The following ASCC3 variants were observed in gnomAD, a reference collection of about 807,000 sequenced individuals.
ASCC3 encodes the protein activating signal cointegrator 1 complex subunit 3, also known as ASC-1 complex subunit P200.
A neutral mutation model predicts 256.3 loss-of-function variants in ASCC3; 158 were observed. The observed-to-expected ratio is 0.62, with a 90% CI of 0.54 to 0.70. The LOEUF (loss-of-function observed/expected upper bound fraction) is 0.70, where lower values mean the gene tolerates loss of function less well. ASCC3 is among the 30% of genes least tolerant of loss of function. ASCC3 has a pLI of 0.00. For synonymous variants in ASCC3, 948 were observed against 883.4 expected, an observed-to-expected ratio of 1.07 and a Z score of -1.30; for missense variants, 2,259 against 2,626.0, an observed-to-expected ratio of 0.86 and a Z score of 3.05.
chr6:100,646,802 T>C (rs2114902811), intron 21 of ASCC3, 33 bp from the exon 22 acceptor site: 3 of 1,606,522 alleles, frequency 1.9e-6, no homozygotes, highest in South Asian at 1.1e-5. Context: ...AAGAAATGTG[T>C]CCAGGCAGAA....
intron 3 of ASCC3, among the ~76,000 whole-genome samples, chr6:100,853,121 C>T (rs1772766165): frequency 6.6e-6 from 1 of 152,040 alleles, no homozygotes; most frequent in South Asian, 2.1e-4. Flanking sequence ...CTTAAAAAAC[C>T]TTATATAGAA....
chr6:100,701,623 T>G (rs1448694367), intron 13 of ASCC3, among the ~76,000 whole-genome samples: 1 of 152,162 alleles, frequency 6.6e-6, no homozygotes, highest in Non-Finnish European at 1.5e-5. Context: ...GAGACAGCCC[T>G]TGTTGTAATA....
At chr6:100,868,881 A>G (rs763181248) in intron 1 of ASCC3, among the ~76,000 whole-genome samples, 1 of 152,350 alleles carries the variant, frequency 6.6e-6, no homozygotes, top group South Asian at 2.1e-4. Context: ...TCTCCTCCTT[A>G]ACAGGCTGAT....
chr6:100,530,269 C>T (rs1774802246), intron 37 of ASCC3: 1 of 1,210,200 alleles, frequency 8.3e-7, no homozygotes. Flanking sequence ...GCCTGGAGGA[C>T]ACCAACATGA....
chr6:100,753,225 G>A (rs1487760128), intron 10 of ASCC3, among the ~76,000 whole-genome samples: 3 of 149,696 alleles, frequency 2.0e-5, no homozygotes, highest in African/African-American at 7.4e-5. Flanking sequence ...ATTAGAGAAA[G>A]AAAAGGTAAC....
intron 40 of ASCC3, 37 bp downstream of exon 40, chr6:100,512,672 G>A (rs1197410045): frequency 6.3e-7 from 1 of 1,586,616 alleles, no homozygotes; most frequent in Non-Finnish European, 8.7e-7. Context: ...CTGGTATTTG[G>A]TGTGAAATAT....
chr6:100,830,586 C>T (rs780534635), intron 4 of ASCC3, among the ~76,000 whole-genome samples: 21 of 152,244 alleles, frequency 1.4e-4, no homozygotes, highest in Non-Finnish European at 2.2e-4. Context: ...GGAACAGATA[C>T]AAATGCTGAT....
intron 37 of ASCC3, among the ~76,000 whole-genome samples, chr6:100,526,191 TGAGTAAAA>T (rs1562093996): frequency 6.6e-6 from 1 of 152,206 alleles, no homozygotes; most frequent in African/African-American, 2.4e-5. Flanking sequence ...GCTGTAACTA[TGAGTAAAA>T]GCGCTTCAAG....
chr6:100,624,199 T>A (rs1244039773), intron 30 of ASCC3, among the ~76,000 whole-genome samples: 1 of 151,876 alleles, frequency 6.6e-6, no homozygotes, highest in Non-Finnish European at 1.5e-5. Flanking sequence ...GATTAATATG[T>A]ATATATGTAT....
intron 24 of ASCC3, among the ~76,000 whole-genome samples, chr6:100,639,309 T>C (rs913346899): frequency 2.6e-5 from 4 of 152,172 alleles, no homozygotes; most frequent in Non-Finnish European, 4.4e-5. Context: ...AGGTAGAAAA[T>C]TGGGTGGGAG....
intron 30 of ASCC3, among the ~76,000 whole-genome samples, chr6:100,608,174 A>ATATACATATT (rs1773077298): frequency 7.2e-5 from 3 of 41,834 alleles, no homozygotes; most frequent in Non-Finnish European, 2.1e-4. Flanking sequence ...ATACATATTT[A>ATATACATATT]TATATGTGTG....
chr6:100,512,984 A>C, intron 39 of ASCC3, 66 bp from the exon 40 acceptor site: 6 of 1,427,274 alleles, frequency 4.2e-6, no homozygotes, highest in South Asian at 1.2e-5. Context: ...TCAATTAAGA[A>C]ATAGTGTGCT....
intron 10 of ASCC3, among the ~76,000 whole-genome samples, chr6:100,754,513 A>G (rs1781083527): frequency 6.6e-6 from 1 of 152,172 alleles, no homozygotes; most frequent in South Asian, 2.1e-4. Context: ...CAATTAAATT[A>G]TTATTGACTA....
At chr6:100,750,766 A>G (rs1366276785) in intron 10 of ASCC3, among the ~76,000 whole-genome samples, 1 of 152,014 alleles carries the variant, frequency 6.6e-6, no homozygotes, top group African/African-American at 2.4e-5. Flanking sequence ...AAAAGCAAAC[A>G]AAGTGCCAGC....
intron 36 of ASCC3, among the ~76,000 whole-genome samples, chr6:100,579,214 T>G (rs1771056958): frequency 6.6e-6 from 1 of 151,566 alleles, no homozygotes; most frequent in African/African-American, 2.4e-5. Context: ...GTTAATTTGC[T>G]TAAGTTCCTT....
chr6:100,572,983 C>A (rs1336425409), intron 36 of ASCC3, among the ~76,000 whole-genome samples: 1 of 152,012 alleles, frequency 6.6e-6, no homozygotes. Context: ...TTTTAGCTAA[C>A]CTAAAAGGCT....
At chr6:100,614,747 T>C (rs1220933562) in intron 30 of ASCC3, among the ~76,000 whole-genome samples, 3 of 152,142 alleles carry the variant, frequency 2.0e-5, no homozygotes, top group African/African-American at 7.2e-5. Flanking sequence ...TTAGACTACA[T>C]GCAGAAAACA....
At chr6:100,701,621 C>T (rs1348405861) in intron 13 of ASCC3, among the ~76,000 whole-genome samples, 1 of 152,028 alleles carries the variant, frequency 6.6e-6, no homozygotes, top group Non-Finnish European at 1.5e-5. Context: ...CAGAGACAGC[C>T]CTTGTTGTAA....
intron 37 of ASCC3, among the ~76,000 whole-genome samples, chr6:100,527,561 C>T (rs748075511): frequency 1.2e-4 from 19 of 152,238 alleles, no homozygotes; most frequent in African/African-American, 3.4e-4. Context: ...ACCCACTGAG[C>T]CTGAGCTTAG....
Sources: allele counts gnomAD v4.1 joint callset (sites outside exome capture counted in the v4.1 genomes callset), GRCh38; gene constraint gnomAD v4.1.1; transcripts MANE v1.5; gene names NCBI Gene and HGNC (gene_info 2026-07-23, HGNC 2026-07-21).